LPA: variants seen among roughly 807,000 people sequenced by gnomAD.
The protein encoded by LPA is lipoprotein(a), also known as apolipoprotein(a).
LPA carries 199 observed loss-of-function variants against 197.9 expected under a neutral mutation model. The observed-to-expected ratio is 1.01, with a 90% confidence interval of 0.90 to 1.13. The LOEUF is 1.13. Among genes scored for constraint, LPA ranks in the 50% most tolerant of loss-of-function variants. The pLI is 0.00. For missense variants in LPA, 1,853 were observed against 1,785.8 expected (o/e 1.04, Z -0.68); for synonymous variants, 715 against 639.5 (o/e 1.12, Z -1.78).
At chr6:160,543,441 A>T (rs1475237205) in intron 33 of LPA, among the ~76,000 whole-genome samples, 1 of 152,096 alleles carries the variant, frequency 6.6e-6, no homozygotes, top group Non-Finnish European at 1.5e-5. Flanking sequence ...ATAGTTAATA[A>T]TTATTCATAT....
Position 160,541,105 on chromosome 6 carries a change from A to T in LPA, c.5594+2T>A, listed in dbSNP as rs745824767. On this transcript the variant is annotated splice_donor_variant, in intron 35 of 38. Transcript: ENST00000316300. LOFTEE classifies it high-confidence loss of function. ...CCCATGTCAGTTTTCCCTTAAACGT[A>T]CTTCTTCAAGCAGTGAGCAGCAGTC... 1 of 1,613,794 alleles carries T rather than the reference A, an allele frequency of 6.2e-7. No individual in the cohort carries two copies. Among genetic ancestry groups the T allele is most frequent in the South Asian group, 1.1e-5 (1 of 91,076 alleles).
At chr6:160,599,854 A>C (rs1329933183) in intron 19 of LPA, among the ~76,000 whole-genome samples, 195 bp from the exon 20 acceptor site, 1 of 152,206 alleles carries the variant, frequency 6.6e-6, no homozygotes, top group Non-Finnish European at 1.5e-5. Context: ...CTAGAACTGT[A>C]GTAAGTTCTT....
chr6:160,560,373 C>A (rs925508781), intron 28 of LPA, among the ~76,000 whole-genome samples: 1 of 152,162 alleles, frequency 6.6e-6, no homozygotes, highest in Non-Finnish European at 1.5e-5. Flanking sequence ...GCACTGTCTT[C>A]CACAATGGTT....
rs1258836202 is a variant in LPA, at chr6:160,611,504, T to C, written c.2603+58A>G. On this transcript the variant is annotated intron_variant, in intron 16 of 38. Transcript: ENST00000316300. ...GAGAACTCAGCTTGAAGCATGTCTC[T>C]TGTCACAGAAACTTCAGTTGGCCCT... The C allele has an allele frequency of 1.2e-5, 19 of 1,599,256 alleles. No homozygotes were observed. The Admixed American group carries it at 2.2e-4, about 18-fold the overall frequency.
intron 28 of LPA, among the ~76,000 whole-genome samples, chr6:160,572,518 T>G (rs987140741): frequency 5.3e-5 from 8 of 152,214 alleles, no homozygotes; most frequent in African/African-American, 1.9e-4. Flanking sequence ...ATTTATGCTT[T>G]AAAGAGATTC....
chr6:160,577,218 T>C lies in LPA; in HGVS notation c.4549A>G (p.Thr1517Ala). The C allele has an allele frequency of 6.2e-7, 1 of 1,613,916 alleles. No homozygotes were observed. Among genetic ancestry groups the C allele is most frequent in the Non-Finnish European group, 8.5e-7 (1 of 1,179,864 alleles). The change falls in exon 28 of 39, where the codon ACT becomes GCT. Residue 1517 changes from threonine to alanine, a missense_variant. By Grantham distance (58) the Thr-to-Ala change is moderately conservative (BLOSUM62 0). Around this residue, in one of 3 missense-constraint regions of LPA, gnomAD observed 1,737 missense variants for 1,504.4 expected, o/e 1.15. Transcript: ENST00000316300. Reference sequence around the variant, plus strand: ...GATTGACAGGTCCTTCCTGTGACAGTGGTGGAGGATATGCCTCGATAACTC... The same window carrying C: ...GATTGACAGGTCCTTCCTGTGACAGCGGTGGAGGATATGCCTCGATAACTC... ...GRSYRGISST[T>A]VTGRTCQSWS... is the part of the protein sequence containing the mutation.
chr6:160,611,065 C>A (rs761553092), intron 16 of LPA, among the ~76,000 whole-genome samples: 2 of 152,056 alleles, frequency 1.3e-5, no homozygotes, highest in Non-Finnish European at 2.9e-5. Context: ...CCTTTCAGGC[C>A]ACTGGTACTT....
At chr6:160,533,117 T>G (rs1244096209) in intron 37 of LPA, among the ~76,000 whole-genome samples, 1 of 152,216 alleles carries the variant, frequency 6.6e-6, no homozygotes, top group African/African-American at 2.4e-5. Flanking sequence ...AACTAATATT[T>G]TAATGAGGAG....
At position 160,597,725 on chromosome 6, in the gene LPA, CT is replaced by C. The variant is rs568234465; in HGVS notation, c.3287+1774del. Among the ~76,000 whole-genome samples, 586 of 152,294 alleles carry C rather than the reference CT, an allele frequency of 3.8e-3. 5 individuals carry two copies. Among genetic ancestry groups the C allele is most frequent in the African/African-American group, 0.014 (561 of 41,544 alleles). The stretch of plus-strand genomic sequence containing the variant: ...TAAATCCAGCAATGCAGTTATGATA[CT>C]AATATGTCAAATTCTCATGCCATTT... On this transcript the variant is annotated intron_variant, in intron 20 of 38. Transcript: ENST00000316300.
intron 35 of LPA, among the ~76,000 whole-genome samples, 166 bp downstream of exon 35, chr6:160,540,941 C>T (rs999237292): frequency 1.4e-4 from 22 of 152,076 alleles, no homozygotes; most frequent in African/African-American, 5.3e-4. Context: ...GGAAATTCTG[C>T]CTCAGGATTC....
chr6:160,557,399 A>G lies in LPA; in HGVS notation c.4804T>C (p.Ser1602Pro). 1 of 1,614,140 alleles carries G rather than the reference A, an allele frequency of 6.2e-7. No homozygotes were observed. The highest frequency in any genetic ancestry group is 2.2e-5 in the East Asian group (1 of 44,878). Residue 1602 changes from serine to proline, a missense_variant, in exon 29 of 39, where the codon TCT becomes CCT. Ser to Pro is a moderately conservative substitution (Grantham distance 74). This residue lies in a region of LPA where 1,737 missense variants were observed against 1,504.4 expected (regional missense o/e 1.15). Transcript: ENST00000316300. The stretch of plus-strand genomic sequence containing the variant: ...GCCACAGACTTCTTACCTGCTTCAG[A>G]ATGAGCCTCCATGCTTGGAACTGGA... ...VVPVPSMEAH[S>P]EAAPTEQTPV...
At chr6:160,568,740 A>G (rs1583584776) in intron 28 of LPA, among the ~76,000 whole-genome samples, 1 of 152,228 alleles carries the variant, frequency 6.6e-6, no homozygotes, top group Non-Finnish European at 1.5e-5. Context: ...AGAAAACCCC[A>G]TCTTCTCAGA....
intron 16 of LPA, among the ~76,000 whole-genome samples, chr6:160,610,252 A>C (rs1187896200): frequency 1.3e-5 from 2 of 152,116 alleles, no homozygotes; most frequent in Admixed American, 1.3e-4. Context: ...TTTACTTCTG[A>C]AGAGAGTTGA....
At position 160,541,136 on chromosome 6, in the gene LPA, C is replaced by G; in HGVS notation, c.5565G>C (p.Trp1855Cys). The change falls in exon 35 of 39, where the codon TGG (tryptophan) becomes TGC (cysteine). Residue 1855 changes from tryptophan to cysteine, a missense_variant. Around this residue, in one of 3 missense-constraint regions of LPA, gnomAD observed 1,737 missense variants for 1,504.4 expected, o/e 1.15. Coordinates refer to ENST00000316300, the MANE Select transcript of LPA (RefSeq NM_005577.4). ...TCAAGCAGTGAGCAGCAGTCAGCACCCACTCTGGGGATATTAAGGTGCCTC... is the reference window on the plus strand; with the variant it reads ...TCAAGCAGTGAGCAGCAGTCAGCACGCACTCTGGGGATATTAAGGTGCCTC... ...FCGGTLISPEWVLTAAHCLKK... is the reference protein window; with the variant it reads ...FCGGTLISPECVLTAAHCLKK... 6.2e-7 allele frequency: 1 copy of G among 1,614,086 alleles called. No homozygotes were observed. Among genetic ancestry groups the G allele is most frequent in the East Asian group, 2.2e-5 (1 of 44,876 alleles).
chr6:160,565,670 A>G (rs1418124596), intron 28 of LPA, among the ~76,000 whole-genome samples: 1 of 152,230 alleles, frequency 6.6e-6, no homozygotes. Context: ...AGCTGGACAG[A>G]GAATGACTTT....
chr6:160,543,019 C>A (rs547646634), intron 33 of LPA, among the ~76,000 whole-genome samples: 13 of 152,292 alleles, frequency 8.5e-5, no homozygotes, highest in Admixed American at 2.0e-4. Flanking sequence ...AATATAAGTT[C>A]TTTCTAAACC....
intron 17 of LPA, among the ~76,000 whole-genome samples, chr6:160,606,107 G>T (rs906096760): frequency 3.3e-5 from 5 of 152,176 alleles, no homozygotes; most frequent in Non-Finnish European, 7.3e-5. Context: ...AGATTGCACT[G>T]AATGCTGGCT....
rs1779702765 is a variant in LPA at position 160,632,173 on chromosome 6, C to T, written c.1235+1580G>A. 2.2e-5 allele frequency among the ~76,000 whole-genome samples: 3 copies of T among 135,034 alleles called. No homozygotes were observed. In the South Asian group the frequency reaches 7.0e-4, roughly 32 times the overall value. 88.6% of individuals were successfully genotyped at this position (135,034 alleles called of 152,430 possible). ...TTTAATTTAATTTGGCTATTCTGTA[C>T]TGTTAATTTCTCTTGATATGATATC... is the stretch of plus-strand genomic sequence containing the variant. On this transcript the variant is annotated intron_variant, in intron 8 of 38. Coordinates refer to ENST00000316300, the MANE Select transcript of LPA (RefSeq NM_005577.4).
intron 20 of LPA, among the ~76,000 whole-genome samples, chr6:160,598,192 G>T (rs1779169155): frequency 6.6e-6 from 1 of 152,082 alleles, no homozygotes; most frequent in Non-Finnish European, 1.5e-5. Flanking sequence ...TGTAGTTGTT[G>T]TTCCTCAATA....
Sources: gnomAD v4.1 joint callset for allele counts (sites outside exome capture counted in the v4.1 genomes callset) on GRCh38, gnomAD v4.1.1 for gene constraint, gnomAD v4.1.1 regional missense constraint, MANE v1.5 for transcripts, NCBI Gene and HGNC (gene_info 2026-07-23, HGNC 2026-07-21) for gene names.